Variants in ADCY8 observed in about 807,000 individuals in gnomAD.
ADCY8 encodes the protein adenylate cyclase type 8.
In ADCY8, 51 loss-of-function variants were observed where a neutral mutation model predicts 119.7. That is an observed-to-expected ratio of 0.43 (90% CI 0.34 to 0.54). The LOEUF is 0.54. ADCY8 is among the 20% of genes least tolerant of loss of function. ADCY8 has a pLI of 0.03. For missense variants in ADCY8, 1,383 were observed against 1,598.8 expected (o/e 0.87, Z 2.30); for synonymous variants, 665 against 651.0 (o/e 1.02, Z -0.33).
chr8:130,872,691 A>C (rs923372770), intron 8 of ADCY8, among the ~76,000 whole-genome samples: 3 of 152,262 alleles, frequency 2.0e-5, no homozygotes, highest in African/African-American at 7.2e-5. Flanking sequence ...GCAATGCAAA[A>C]TAATGAGCCC....
chr8:130,783,957 C>T, intron 16 of ADCY8, 152 bp from the exon 17 acceptor site: 2 of 600,218 alleles, frequency 3.3e-6, no homozygotes, highest in Non-Finnish European at 5.9e-6. Flanking sequence ...ACACTCAAGT[C>T]ACTGGTATCT....
chr8:130,980,761 C>A (rs1295570753), intron 2 of ADCY8, among the ~76,000 whole-genome samples: 1 of 152,230 alleles, frequency 6.6e-6, no homozygotes, highest in East Asian at 1.9e-4. Flanking sequence ...CAGCCTCTGT[C>A]TCAACTTTCT....
rs919359049 is a variant in ADCY8, at chr8:130,903,711, G to T, written c.1911+61C>A. 4.4e-6 allele frequency: 7 copies of T among 1,576,504 alleles called. No individual in the cohort carries two copies. In the African/African-American group the frequency reaches 9.5e-5, roughly 21 times the overall value. On this transcript the variant is annotated intron_variant, in intron 7 of 17. Transcript: ENST00000286355. ...GAATCAGTTTTCTCTGAGGTGTCTG[G>T]ATTGGAGATGCACACGAGCATGCAT...
intron 12 of ADCY8, among the ~76,000 whole-genome samples, chr8:130,830,337 C>T (rs1187069793): frequency 2.0e-5 from 3 of 152,158 alleles, no homozygotes; most frequent in Non-Finnish European, 4.4e-5. Context: ...CACCAGTCAA[C>T]TGGAAAGCCC....
intron 12 of ADCY8, among the ~76,000 whole-genome samples, chr8:130,827,091 A>G (rs1816691979): frequency 6.6e-6 from 1 of 152,196 alleles, no homozygotes; most frequent in South Asian, 2.1e-4. Flanking sequence ...GAATTAAAAT[A>G]TATGTTCTTG....
intron 9 of ADCY8, among the ~76,000 whole-genome samples, chr8:130,859,846 A>G (rs1272960577): frequency 6.6e-6 from 1 of 152,080 alleles, no homozygotes; most frequent in East Asian, 1.9e-4. Flanking sequence ...CGATCTATTT[A>G]CCATTTCTAT....
chr8:130,930,352 C>T (rs529938967), intron 5 of ADCY8, among the ~76,000 whole-genome samples: 52 of 151,722 alleles, frequency 3.4e-4, no homozygotes, highest in Admixed American at 1.1e-3. Flanking sequence ...CCCAAGTTCA[C>T]GCCATTCTCC....
intron 1 of ADCY8, among the ~76,000 whole-genome samples, chr8:131,008,479 G>A (rs1233085206): frequency 6.6e-6 from 1 of 152,172 alleles, no homozygotes; most frequent in Admixed American, 6.5e-5. Flanking sequence ...CTGTGAAGAA[G>A]TGCCTTACAC....
At chr8:131,021,666 C>T (rs1294957508) in intron 1 of ADCY8, among the ~76,000 whole-genome samples, 3 of 152,206 alleles carry the variant, frequency 2.0e-5, no homozygotes, top group East Asian at 3.9e-4. Flanking sequence ...TGAGTTCTCA[C>T]GAGATCTGAT....
intron 2 of ADCY8, among the ~76,000 whole-genome samples, chr8:130,969,592 A>G (rs1295114985): frequency 6.6e-6 from 1 of 152,166 alleles, no homozygotes; most frequent in African/African-American, 2.4e-5. Flanking sequence ...GAACTTCCCA[A>G]ATGTGTTCCT....
At chr8:130,860,107 G>A (rs943181608) in intron 9 of ADCY8, among the ~76,000 whole-genome samples, 2 of 152,058 alleles carry the variant, frequency 1.3e-5, no homozygotes, top group African/African-American at 4.8e-5. Context: ...CATTGTACTA[G>A]GTATGTAGTG....
At chr8:130,936,880 T>TAAACTTAG (rs1820803131) in intron 5 of ADCY8, among the ~76,000 whole-genome samples, 193 bp downstream of exon 5, 1 of 152,112 alleles carries the variant, frequency 6.6e-6, no homozygotes, top group Admixed American at 6.5e-5. Context: ...AAAAGTGAGG[T>TAAACTTAG]AAACTTAGAA....
intron 9 of ADCY8, among the ~76,000 whole-genome samples, chr8:130,854,839 C>A (rs1267474792): frequency 8.0e-6 from 1 of 125,110 alleles, no homozygotes. Context: ...CCCTCCCTCC[C>A]TTCCTTCCCT....
chr8:130,828,782 T>G (rs1327981858), intron 12 of ADCY8, among the ~76,000 whole-genome samples: 1 of 152,238 alleles, frequency 6.6e-6, no homozygotes, highest in African/African-American at 2.4e-5. Flanking sequence ...TTAAGGCACC[T>G]ATTCTGCCTC....
chr8:130,905,307 C>A (rs1819744914), intron 6 of ADCY8, among the ~76,000 whole-genome samples: 1 of 152,158 alleles, frequency 6.6e-6, no homozygotes, highest in Non-Finnish European at 1.5e-5. Context: ...CATTCTCTGG[C>A]TCTGTCACTT....
intron 5 of ADCY8, among the ~76,000 whole-genome samples, chr8:130,918,174 C>T (rs539054665): frequency 6.6e-6 from 1 of 152,296 alleles, no homozygotes; most frequent in East Asian, 1.9e-4. Context: ...GACTGGATGG[C>T]ATAAACAAGA....
In ADCY8 at chr8:131,035,101, A is replaced by G. The variant is rs556203414; in HGVS notation, c.960+4273T>C. On this transcript the variant is annotated intron_variant, in intron 1 of 17. Transcript: ENST00000286355. ...ATGAATTTCCTGGTGGATAAATCGA[A>G]TTGGTGATACAAACAATTGGTTTAT... is the stretch of plus-strand genomic sequence containing the variant. 2.0e-5 allele frequency among the ~76,000 whole-genome samples: 3 copies of G among 152,306 alleles called. No homozygotes were observed. The South Asian group carries it at 6.2e-4, about 32-fold the overall frequency.
chr8:130,784,065 T>C (rs9918819), intron 16 of ADCY8, among the ~76,000 whole-genome samples: 1 of 152,118 alleles, frequency 6.6e-6, no homozygotes, highest in Non-Finnish European at 1.5e-5. Flanking sequence ...TTCAGGTTGA[T>C]GTAGCATCAA....
chr8:130,932,125 C>T (rs1193133007), intron 5 of ADCY8, among the ~76,000 whole-genome samples: 2 of 152,072 alleles, frequency 1.3e-5, no homozygotes, highest in Non-Finnish European at 2.9e-5. Context: ...TGGGGCATGC[C>T]AGAAGCCTGG....
Sources: gnomAD v4.1 joint callset for allele counts (sites outside exome capture counted in the v4.1 genomes callset) on GRCh38, gnomAD v4.1.1 for gene constraint, MANE v1.5 for transcripts, NCBI Gene and HGNC (gene_info 2026-07-23, HGNC 2026-07-21) for gene names.